The following MYO5A variants were observed in gnomAD, a reference collection of about 807,000 sequenced individuals.
The protein encoded by MYO5A is myosin VA, also known as unconventional myosin-Va.
A neutral mutation model predicts 249.7 loss-of-function variants in MYO5A; 98 were observed. The observed-to-expected ratio is 0.39, with a 90% confidence interval of 0.33 to 0.46. The LOEUF (loss-of-function observed/expected upper bound fraction) is 0.46, where lower values mean the gene tolerates loss of function less well. MYO5A is among the 20% of genes least tolerant of loss of function. MYO5A has a pLI of 0.98. For synonymous variants in MYO5A, 778 were observed against 810.6 expected, an observed-to-expected ratio of 0.96 and a Z score of 0.68; for missense variants, 1,696 against 2,308.8, an observed-to-expected ratio of 0.73 and a Z score of 5.44.
chr15:52,433,082 T>A, intron 2 of MYO5A, 93 bp downstream of exon 2: 1 of 961,218 alleles, frequency 1.0e-6, no homozygotes. Flanking sequence ...GTTCAAAATT[T>A]AACTTCCATT....
intron 36 of MYO5A, among the ~76,000 whole-genome samples, chr15:52,324,745 T>C (rs984900024): frequency 5.9e-5 from 9 of 152,310 alleles, no homozygotes; most frequent in African/African-American, 1.9e-4. Flanking sequence ...TATATCATTT[T>C]TTTTTAAGTA....
intron 1 of MYO5A, among the ~76,000 whole-genome samples, chr15:52,443,632 A>G (rs1447915973): frequency 1.3e-5 from 2 of 150,974 alleles, no homozygotes; most frequent in Non-Finnish European, 2.9e-5. Context: ...TGTTTGAACC[A>G]GGGAAGCAGA....
chr15:52,509,439 A>C (rs1230127874), intron 1 of MYO5A, among the ~76,000 whole-genome samples: 1 of 152,200 alleles, frequency 6.6e-6, no homozygotes, highest in African/African-American at 2.4e-5. Flanking sequence ...TATTTGGAAG[A>C]AAAACAAAAA....
intron 34 of MYO5A, among the ~76,000 whole-genome samples, chr15:52,335,067 C>T (rs2039051511): frequency 6.6e-6 from 1 of 152,218 alleles, no homozygotes; most frequent in South Asian, 2.1e-4. Context: ...TTCTTTTGAA[C>T]ATCCTCAGTG....
At chr15:52,503,977 C>A (rs1030187603) in intron 1 of MYO5A, among the ~76,000 whole-genome samples, 2 of 151,516 alleles carry the variant, frequency 1.3e-5, no homozygotes, top group East Asian at 3.9e-4. Context: ...GGAAGTGAAA[C>A]CCTAAGTTGA....
intron 40 of MYO5A, 37 bp downstream of exon 40, chr15:52,317,011 A>G (rs1344162002): frequency 6.3e-7 from 1 of 1,590,052 alleles, no homozygotes; most frequent in Admixed American, 1.7e-5. Context: ...TCTTTGATGA[A>G]TGTTAAATTA....
At chr15:52,387,466 T>G (rs1348815134) in intron 14 of MYO5A, among the ~76,000 whole-genome samples, 3 of 152,036 alleles carry the variant, frequency 2.0e-5, no homozygotes, top group African/African-American at 7.2e-5. Context: ...CACAATAGAG[T>G]CTAGAACCAC....
chr15:52,394,977 G>T (rs1397389448), intron 11 of MYO5A, among the ~76,000 whole-genome samples: 1 of 152,134 alleles, frequency 6.6e-6, no homozygotes, highest in African/African-American at 2.4e-5. Context: ...TTTCACTGTG[G>T]TAAGAAGCTT....
intron 1 of MYO5A, among the ~76,000 whole-genome samples, chr15:52,449,973 G>A (rs1281973902): frequency 6.6e-6 from 1 of 152,094 alleles, no homozygotes; most frequent in Non-Finnish European, 1.5e-5. Flanking sequence ...CTGCACTCTA[G>A]CCTGAGCGAC....
intron 40 of MYO5A, among the ~76,000 whole-genome samples, chr15:52,316,233 C>CAAAAAAAAAAA (rs5812596): frequency 6.6e-5 from 4 of 60,346 alleles, no homozygotes; most frequent in Admixed American, 2.7e-4. Context: ...GACTCCGTCA[C>CAAAAAAAAAAA]AAAAAAAAAA....
At chr15:52,364,853 A>G in intron 23 of MYO5A, 151 bp from the exon 24 acceptor site, 1 of 839,940 alleles carries the variant, frequency 1.2e-6, no homozygotes, top group Non-Finnish European at 1.8e-6. Flanking sequence ...AATTTAGGAA[A>G]AGAAAAAATG....
At chr15:52,494,028 C>T (rs562890495) in intron 1 of MYO5A, among the ~76,000 whole-genome samples, 2 of 152,136 alleles carry the variant, frequency 1.3e-5, no homozygotes, top group Non-Finnish European at 2.9e-5. Flanking sequence ...GCCCCTCGCT[C>T]CAACACCCCA....
At chr15:52,371,487 G>C (rs554755657) in intron 21 of MYO5A, among the ~76,000 whole-genome samples, 6 of 152,322 alleles carry the variant, frequency 3.9e-5, no homozygotes, top group African/African-American at 1.4e-4. Flanking sequence ...GCATTGCCAA[G>C]TACAAAATAC....
chr15:52,464,879 A>G (rs556444759), intron 1 of MYO5A, among the ~76,000 whole-genome samples: 2 of 152,354 alleles, frequency 1.3e-5, no homozygotes, highest in African/African-American at 4.8e-5. Context: ...TCGTTTTCCT[A>G]GTTATGTATA....
At chr15:52,428,982 T>C (rs909953170) in intron 2 of MYO5A, among the ~76,000 whole-genome samples, 1 of 152,230 alleles carries the variant, frequency 6.6e-6, no homozygotes, top group Non-Finnish European at 1.5e-5. Context: ...ACTTACTTTT[T>C]ATGTGGTCTT....
At chr15:52,355,857 C>T (rs1449097222) in intron 25 of MYO5A, among the ~76,000 whole-genome samples, 4 of 152,078 alleles carry the variant, frequency 2.6e-5, no homozygotes, top group African/African-American at 7.2e-5. Context: ...CTGTGGAAAC[C>T]GAGGGACGAC....
At chr15:52,501,491 T>C (rs1455015139) in intron 1 of MYO5A, among the ~76,000 whole-genome samples, 1 of 151,946 alleles carries the variant, frequency 6.6e-6, no homozygotes, top group Non-Finnish European at 1.5e-5. Context: ...TCCAGCTGCT[T>C]GGGAGACTGA....
intron 30 of MYO5A, among the ~76,000 whole-genome samples, chr15:52,345,145 A>G (rs568776074): frequency 6.6e-6 from 1 of 152,332 alleles, no homozygotes; most frequent in East Asian, 1.9e-4. Context: ...TAAAATTTGC[A>G]TACTATTTGC....
chr15:52,425,892 G>A lies in MYO5A; in HGVS notation c.393C>T (p.Asn131=). 1 of 1,613,904 alleles carries A rather than the reference G, an allele frequency of 6.2e-7. No individual in the cohort carries two copies. Among genetic ancestry groups the A allele is most frequent in the Non-Finnish European group, 8.5e-7 (1 of 1,179,884 alleles). Residue 131 remains asparagine, a synonymous_variant, in exon 4 of 42, where the codon AAC becomes AAT. Coordinates refer to ENST00000399233, the MANE Select transcript of MYO5A (RefSeq NM_001382347.1). ...AGATATGTGGATCCATATCACCCAT[G>A]TTCTGACCACTGTATGCATTAATAA... ...EDIINAYSGQ[N]MGDMDPHIFA...
Sources: gnomAD v4.1 joint callset for allele counts (sites outside exome capture counted in the v4.1 genomes callset) on GRCh38, gnomAD v4.1.1 for gene constraint, MANE v1.5 for transcripts, NCBI Gene and HGNC (gene_info 2026-07-23, HGNC 2026-07-21) for gene names.